The following PFKL variants were observed in gnomAD, a reference collection of about 807,000 sequenced individuals.
PFKL encodes the protein phosphofructokinase, liver type, also known as ATP-dependent 6-phosphofructokinase, liver type.
In PFKL, 74 loss-of-function variants were observed where a neutral mutation model predicts 92.1. The observed-to-expected ratio is 0.80, with a 90% CI of 0.67 to 0.97. PFKL has a LOEUF of 0.97. PFKL is among the 50% of genes least tolerant of loss of function. PFKL has a pLI of 0.00. For missense variants in PFKL, 1,028 were observed against 1,116.6 expected (o/e 0.92, Z 1.13); for synonymous variants, 494 against 456.4 (o/e 1.08, Z -1.05).
At chr21:44,313,851 C>T in intron 6 of PFKL, 62 bp from the exon 7 acceptor site, 1 of 1,411,868 alleles carries the variant, frequency 7.1e-7, no homozygotes, top group African/African-American at 1.4e-5. Flanking sequence ...CCTCTGGGTA[C>T]AGGGAAGCTC....
intron 16 of PFKL, 141 bp from the exon 17 acceptor site, chr21:44,324,350 A>G: frequency 1.2e-6 from 1 of 842,688 alleles, no homozygotes; most frequent in Non-Finnish European, 1.8e-6. Flanking sequence ...GGTGGGCCCA[A>G]GCCTGGTGCT....
At chr21:44,320,013 T>A (rs2047317524) in intron 11 of PFKL, 71 bp from the exon 12 acceptor site, 1 of 1,414,896 alleles carries the variant, frequency 7.1e-7, no homozygotes, top group Non-Finnish European at 1.0e-6. Flanking sequence ...CTGGGCTCTG[T>A]CACGGCTGCG....
chr21:44,306,579 G>T (rs2040949931), intron 1 of PFKL, 102 bp from the exon 2 acceptor site: 1 of 943,456 alleles, frequency 1.1e-6, no homozygotes, highest in Non-Finnish European at 1.6e-6. Flanking sequence ...GAGATGGACA[G>T]GGTGTCCAGG....
intron 14 of PFKL, 142 bp from the exon 15 acceptor site, chr21:44,322,820 C>G (rs1219679185): frequency 1.8e-6 from 1 of 553,322 alleles, no homozygotes; most frequent in Non-Finnish European, 3.2e-6. Context: ...CCGTGTGGAG[C>G]CACAGCGCCA....
In PFKL at chr21:44,315,346, C is replaced by T. The variant is rs112518415; in HGVS notation, c.748-898C>T. 5.0e-3 allele frequency: 768 copies of T among 152,578 alleles called. 8 individuals are homozygous for T. Among genetic ancestry groups the T allele is most frequent in the African/African-American group, 0.017 (726 of 41,580 alleles). 9.5% of individuals were successfully genotyped at this position (152,578 alleles called of 1,614,324 possible). ...TTTCCCCCTGTAACATGCGGGTTCC[C>T]GCCTTGCCCACCACCCAGGGTGCAC... On this transcript the variant is annotated intron_variant, in intron 7 of 21. Coordinates refer to ENST00000349048, the MANE Select transcript of PFKL (RefSeq NM_002626.6).
chr21:44,301,523 G>C (rs1474413714), intron 1 of PFKL, among the ~76,000 whole-genome samples: 4 of 152,232 alleles, frequency 2.6e-5, no homozygotes, highest in Admixed American at 6.5e-5. Flanking sequence ...CTTGAAGCAG[G>C]CCGGGTGCGG....
intron 12 of PFKL, 48 bp from the exon 13 acceptor site, chr21:44,321,681 G>GT: frequency 6.8e-7 from 1 of 1,472,054 alleles, no homozygotes; most frequent in Admixed American, 2.4e-5. Context: ...CAGGTTGGGG[G>GT]TCCCCTCCCC....
In PFKL at chr21:44,306,692, G is replaced by T. The variant is rs2040957462; in HGVS notation, c.97G>T (p.Ala33Ser). The change falls in exon 2 of 22, where the codon GCT becomes TCT. Residue 33 changes from alanine (A) to serine (S), a missense_variant. Transcript: ENST00000349048. ...CCTGACCTCCACAGGCATGAACGCT[G>T]CTGTCCGGGCTGTGACGCGCATGGG... Reference protein sequence around the residue: ...SGGDAQGMNAAVRAVTRMGIY... With the variant: ...SGGDAQGMNASVRAVTRMGIY... The T allele has an allele frequency of 6.2e-7, 1 of 1,613,748 alleles. No homozygotes were observed. Among genetic ancestry groups the T allele is most frequent in the Non-Finnish European group, 8.5e-7 (1 of 1,179,884 alleles).
Position 44,312,305 on chromosome 21 carries a change from G to A in PFKL, c.427+11G>A. On this transcript the variant is annotated intron_variant, in intron 4 of 21. Coordinates refer to ENST00000349048, the MANE Select transcript of PFKL (RefSeq NM_002626.6). ...AGCTGGTGGCGGAAGGTGGGTCTGT[G>A]CCCGGCGCACTGTAGGCCCTGGGGT... 1 of 1,580,414 alleles carries A rather than the reference G, an allele frequency of 6.3e-7. No homozygotes were observed. Among genetic ancestry groups the A allele is most frequent in the Non-Finnish European group, 8.6e-7 (1 of 1,165,956 alleles).
chr21:44,318,101 C>A (rs149161469), intron 9 of PFKL, among the ~76,000 whole-genome samples: 1 of 152,252 alleles, frequency 6.6e-6, no homozygotes, highest in African/African-American at 2.4e-5. Flanking sequence ...AGGGAAGTCA[C>A]GACATGAGGG....
chr21:44,309,095 C>T (rs569604470), intron 2 of PFKL, among the ~76,000 whole-genome samples: 64 of 152,136 alleles, frequency 4.2e-4, no homozygotes, highest in African/African-American at 1.5e-3. Context: ...GGCAGAGGGT[C>T]GAGAGGCAGA....
At position 44,314,035 on chromosome 21, in the gene PFKL, A is replaced by G; in HGVS notation, c.747+14A>G. 6.3e-7 allele frequency: 1 copy of G among 1,575,766 alleles called. No homozygotes were observed. The highest frequency in any genetic ancestry group is 8.6e-7 in the Non-Finnish European group (1 of 1,156,336). On this transcript the variant is annotated intron_variant, in intron 7 of 21. Transcript: ENST00000349048. ...AGGCTGGGTGAGGTGGGTGCCGTCCAGCCTGCTGGGGGCCGCAGGTGTCCT... is the reference window on the plus strand; with the variant it reads ...AGGCTGGGTGAGGTGGGTGCCGTCCGGCCTGCTGGGGGCCGCAGGTGTCCT...
Position 44,320,199 on chromosome 21 carries a change from C to T in PFKL, c.1191+52C>T, listed in dbSNP as rs375310320. The T allele has an allele frequency of 9.7e-5, 147 of 1,517,276 alleles. No homozygotes were observed. The African/African-American group carries it at 1.9e-3, about 19-fold the overall frequency. The allele number at this position is 1,517,276 out of a possible 1,614,324, so 94.0% of individuals were successfully genotyped here. On this transcript the variant is annotated intron_variant, in intron 12 of 21. Transcript: ENST00000349048. ...GGGAGGAACGGGCTCAGTTATTCTG[C>T]AGCCTCTTCACGCTGGCCCCGTGGC...
intron 21 of PFKL, 49 bp downstream of exon 21, chr21:44,326,313 C>A: frequency 7.2e-7 from 1 of 1,385,886 alleles, no homozygotes; most frequent in Non-Finnish European, 1.0e-6. Context: ...GAGGGGTGGC[C>A]CAGACCTTCC....
chr21:44,303,410 C>CA (rs1190805609), intron 1 of PFKL, among the ~76,000 whole-genome samples: 404 of 8,742 alleles, frequency 0.046, 7 homozygotes, highest in South Asian at 0.13. Flanking sequence ...GACTCTGTCT[C>CA]AAAAAAAAAA....
At position 44,306,711 on chromosome 21, in the gene PFKL, G is replaced by A. The variant is rs753529536; in HGVS notation, c.116G>A (p.Arg39His). 65 of 1,613,704 alleles carry A rather than the reference G, an allele frequency of 4.0e-5. No individual in the cohort carries two copies. Among genetic ancestry groups the A allele is most frequent in the African/African-American group, 6.7e-5 (5 of 74,912 alleles). The part of the protein sequence containing the change: ...GMNAAVRAVT[R>H]MGIYVGAKVF... The stretch of plus-strand genomic sequence containing the variant: ...AACGCTGCTGTCCGGGCTGTGACGC[G>A]CATGGGCATTTATGTGGGTGCCAAA... Residue 39 changes from arginine (R) to histidine (H), a missense_variant, in exon 2 of 22, where the codon CGC becomes CAC. Arg to His is a conservative substitution (Grantham distance 29, BLOSUM62 0). Transcript: ENST00000349048.
intron 2 of PFKL, 70 bp downstream of exon 2, chr21:44,306,824 T>A: frequency 2.2e-6 from 3 of 1,344,844 alleles, no homozygotes; most frequent in Non-Finnish European, 3.2e-6. Flanking sequence ...AGGTGTGTTC[T>A]GTGTGGGTCA....
At position 44,300,444 on chromosome 21, in the gene PFKL, G is replaced by T. The variant is rs148851131; in HGVS notation, c.85+254G>T. ...GCGCCGCCCGCGCCCTGCCCCGGGGGTGTGTCCGACTCTGGGCCGCGGGGC... is the reference window on the plus strand; with the variant it reads ...GCGCCGCCCGCGCCCTGCCCCGGGGTTGTGTCCGACTCTGGGCCGCGGGGC... On this transcript the variant is annotated intron_variant, in intron 1 of 21. Coordinates refer to ENST00000349048, the MANE Select transcript of PFKL (RefSeq NM_002626.6). Among the ~76,000 whole-genome samples the T allele has an allele frequency of 9.1e-3, 1,379 of 152,278 alleles. 8 individuals are homozygous for T. Among genetic ancestry groups the T allele is most frequent in the Middle Eastern group, 0.051 (15 of 292 alleles).
chr21:44,305,745 A>C lies in PFKL; in HGVS notation c.86-936A>C, dbSNP rs556902353. ...GGCTCTCGGGAAGAAGGTGTGGGGT[A>C]CATTAGCACCAGCGTTTCCTGAGTG... On this transcript the variant is annotated intron_variant, in intron 1 of 21. Transcript: ENST00000349048. 404 of 1,353,722 alleles carry C rather than the reference A, an allele frequency of 3.0e-4. 6 individuals carry two copies. The South Asian group carries it at 4.4e-3, about 15-fold the overall frequency. The allele number at this position is 1,353,722 out of a possible 1,614,324, so 83.9% of individuals were successfully genotyped here.
Sources: gnomAD v4.1 joint callset for allele counts (sites outside exome capture counted in the v4.1 genomes callset) on GRCh38, gnomAD v4.1.1 for gene constraint, MANE v1.5 for transcripts, NCBI Gene and HGNC (gene_info 2026-07-23, HGNC 2026-07-21) for gene names.